MYO3A: variants seen among roughly 807,000 people sequenced by gnomAD.
MYO3A encodes the protein myosin IIIA.
A neutral mutation model predicts 192.7 loss-of-function variants in MYO3A; 180 were observed. The observed-to-expected ratio is 0.93, with a 90% CI of 0.83 to 1.06. The LOEUF (loss-of-function observed/expected upper bound fraction) is 1.06. Ranked by LOEUF, MYO3A falls within the 50% of genes least tolerant of loss-of-function variation. MYO3A has a pLI of 0.00. For synonymous variants in MYO3A, 628 were observed against 645.3 expected (o/e 0.97, Z 0.41); for missense variants, 1,896 against 1,905.0 (o/e 1.00, Z 0.09).
intron 20 of MYO3A, among the ~76,000 whole-genome samples, chr10:26,138,664 G>T (rs1839986916): frequency 6.6e-6 from 1 of 152,196 alleles, no homozygotes; most frequent in South Asian, 2.1e-4. Flanking sequence ...CAATGCAAGA[G>T]CAATAGAAGC....
At chr10:26,010,697 C>T (rs933476731) in intron 6 of MYO3A, among the ~76,000 whole-genome samples, 2 of 151,870 alleles carry the variant, frequency 1.3e-5, no homozygotes, top group Non-Finnish European at 2.9e-5. Flanking sequence ...CTCCTGACCT[C>T]GCGATCCACC....
intron 17 of MYO3A, among the ~76,000 whole-genome samples, chr10:26,098,835 T>C (rs1335593043): frequency 6.6e-6 from 1 of 152,222 alleles, no homozygotes; most frequent in African/African-American, 2.4e-5. Context: ...TAGTTTGAAG[T>C]CAGGTAGCAT....
intron 20 of MYO3A, among the ~76,000 whole-genome samples, chr10:26,142,826 T>A (rs922572823): frequency 1.3e-5 from 2 of 152,200 alleles, no homozygotes; most frequent in Admixed American, 6.5e-5. Flanking sequence ...ACCTCTAAGA[T>A]GTATCTAGTT....
chr10:26,137,236 G>A (rs981453073), intron 20 of MYO3A, among the ~76,000 whole-genome samples: 8 of 152,062 alleles, frequency 5.3e-5, no homozygotes, highest in African/African-American at 1.9e-4. Context: ...TCCAGACATG[G>A]GTAATTTCAG....
At chr10:25,934,497 G>C (rs1198399724) in intron 1 of MYO3A, among the ~76,000 whole-genome samples, 169 bp downstream of exon 1, 2 of 152,126 alleles carry the variant, frequency 1.3e-5, no homozygotes, top group East Asian at 1.9e-4. Context: ...GGTCAGATCC[G>C]GAGGACCTGT....
intron 4 of MYO3A, among the ~76,000 whole-genome samples, chr10:25,975,423 A>G (rs1189742538): frequency 6.6e-6 from 1 of 152,228 alleles, no homozygotes; most frequent in African/African-American, 2.4e-5. Context: ...TTTAATCTTT[A>G]GGAAAGAAAG....
Position 26,202,966 on chromosome 10 carries a change from A to G in MYO3A, c.4589A>G (p.Gln1530Arg), listed in dbSNP as rs147749053. The G allele has an allele frequency of 6.2e-7, 1 of 1,613,588 alleles. No individual in the cohort carries two copies. Among genetic ancestry groups the G allele is most frequent in the Non-Finnish European group, 8.5e-7 (1 of 1,179,682 alleles). ...TGTGTTTATGTGTTCATTTACAGTC[A>G]GGGAAAATTATTAGATTTGGAAGAT... ...EEKRRPRKDS[Q>R]GKLLDLEDFY... Residue 1530 changes from glutamine to arginine, a missense_variant and splice_region_variant, in exon 34 of 35, where the codon CAG (glutamine) becomes CGG (arginine). Coordinates refer to ENST00000642920, the MANE Select transcript of MYO3A (RefSeq NM_017433.5).
intron 20 of MYO3A, among the ~76,000 whole-genome samples, chr10:26,140,678 C>G (rs1253034012): frequency 6.8e-6 from 1 of 146,052 alleles, no homozygotes; most frequent in African/African-American, 2.5e-5. Context: ...GAGCGAGACT[C>G]TGTCTCAAAA....
chr10:26,200,150 A>C (rs1843617721), intron 32 of MYO3A, among the ~76,000 whole-genome samples: 1 of 152,208 alleles, frequency 6.6e-6, no homozygotes, highest in South Asian at 2.1e-4. Flanking sequence ...GACTTGATGC[A>C]AGGAAGCACT....
intron 20 of MYO3A, among the ~76,000 whole-genome samples, chr10:26,132,974 A>C (rs982975426): frequency 6.6e-6 from 1 of 152,222 alleles, no homozygotes; most frequent in African/African-American, 2.4e-5. Flanking sequence ...ATAAAAATTC[A>C]CTTAATATAA....
intron 31 of MYO3A, among the ~76,000 whole-genome samples, chr10:26,181,746 T>C (rs925802674): frequency 8.6e-5 from 13 of 151,730 alleles, no homozygotes; most frequent in African/African-American, 3.1e-4. Context: ...GTGTCAACAT[T>C]TTGAAAAGTG....
intron 23 of MYO3A, among the ~76,000 whole-genome samples, chr10:26,148,211 T>A (rs1284409335): frequency 6.6e-6 from 1 of 152,210 alleles, no homozygotes; most frequent in Non-Finnish European, 1.5e-5. Flanking sequence ...CATGACCCTT[T>A]ATAATCCTTC....
intron 26 of MYO3A, among the ~76,000 whole-genome samples, chr10:26,164,022 T>A (rs1841606255): frequency 6.6e-6 from 1 of 152,092 alleles, no homozygotes; most frequent in Admixed American, 6.5e-5. Context: ...ACGCTTACAA[T>A]TAGAATGGAA....
intron 2 of MYO3A, among the ~76,000 whole-genome samples, chr10:25,936,533 C>T: frequency 6.6e-6 from 1 of 152,090 alleles, no homozygotes; most frequent in Non-Finnish European, 1.5e-5. Context: ...CAAACAAACT[C>T]CCTCCCCCTA....
At chr10:26,050,033 A>AT (rs1476098844) in intron 10 of MYO3A, among the ~76,000 whole-genome samples, 24 of 151,810 alleles carry the variant, frequency 1.6e-4, no homozygotes, top group African/African-American at 5.8e-4. Flanking sequence ...TCATCAGTTG[A>AT]GAGTTCTGGT....
intron 23 of MYO3A, among the ~76,000 whole-genome samples, chr10:26,153,367 T>TA (rs1840913128): frequency 2.0e-5 from 3 of 152,234 alleles, no homozygotes; most frequent in Admixed American, 2.0e-4. Context: ...TGCATTTGTG[T>TA]AGTCCTTAGA....
chr10:26,021,744 T>A lies in MYO3A; in HGVS notation c.731+96T>A, dbSNP rs977101482. 4 of 1,513,922 alleles carry A rather than the reference T, an allele frequency of 2.6e-6. No homozygotes were observed. In the African/African-American group the frequency reaches 5.5e-5, roughly 21 times the overall value. The allele number at this position is 1,513,922 out of a possible 1,614,324, so 93.8% of individuals were successfully genotyped here. ...TGCTCTTCATGGAGACGTTCAGATA[T>A]ATTCCAACAAGTTGGGAGCAGAAGA... On this transcript the variant is annotated intron_variant, in intron 8 of 34. Coordinates refer to ENST00000642920, the MANE Select transcript of MYO3A (RefSeq NM_017433.5).
intron 6 of MYO3A, among the ~76,000 whole-genome samples, chr10:26,006,651 G>C (rs1051211182): frequency 6.6e-6 from 1 of 152,092 alleles, no homozygotes; most frequent in African/African-American, 2.4e-5. Flanking sequence ...TAAATTCCTG[G>C]ACACATACAC....
At chr10:26,200,111 T>C (rs1046767916) in intron 32 of MYO3A, among the ~76,000 whole-genome samples, 1 of 152,170 alleles carries the variant, frequency 6.6e-6, no homozygotes, top group Non-Finnish European at 1.5e-5. Context: ...ATCCTGCCCT[T>C]ACATTATTTC....
Sources: gnomAD v4.1 joint callset for allele counts (sites outside exome capture counted in the v4.1 genomes callset) on GRCh38, gnomAD v4.1.1 for gene constraint, MANE v1.5 for transcripts, NCBI Gene and HGNC (gene_info 2026-07-23, HGNC 2026-07-21) for gene names.